Variants in MYL5 observed in about 807,000 individuals in gnomAD.
MYL5 encodes myosin light chain 5.
MYL5 carries 28 observed loss-of-function variants against 20.8 expected under a neutral mutation model. The observed-to-expected ratio is 1.35, with a 90% CI of 1.00 to 1.84. The LOEUF is 1.84. Among genes scored for constraint, MYL5 ranks in the 40% most tolerant of loss-of-function variants. The pLI, the probability that MYL5 is intolerant of heterozygous loss-of-function variation, is 0.00. For missense variants in MYL5, 274 were observed against 227.3 expected (o/e 1.21, Z -1.32); for synonymous variants, 118 against 87.4 (o/e 1.35, Z -1.95).
At position 678,778 on chromosome 4, in the gene MYL5, T is replaced by A; in HGVS notation, c.111+13T>A. ...GGAGTTCAAGGAGGTGAGACTTTCC[T>A]GCTTCACTGGGAGCCCCCACCCCCA... On this transcript the variant is annotated intron_variant, in intron 2 of 6. Coordinates refer to ENST00000400159, the Ensembl canonical transcript of MYL5. The A allele has an allele frequency of 6.2e-6, 10 of 1,608,320 alleles. No homozygotes were observed. Among genetic ancestry groups the A allele is most frequent in the Non-Finnish European group, 8.5e-6 (10 of 1,177,484 alleles).
At chr4:679,830 G>T in intron 3 of MYL5, 84 bp from the exon 6 acceptor site, 2 of 1,149,838 alleles carry the variant, frequency 1.7e-6, no homozygotes, top group Non-Finnish European at 2.6e-6. Context: ...CCATCTGCCT[G>T]CCTGGCCCTG....
intron 5 of MYL5, chr4:680,842 A>G (rs891738494): frequency 1.7e-5 from 11 of 631,728 alleles, no homozygotes; most frequent in Non-Finnish European, 2.5e-5. Flanking sequence ...AGCTCCTGCT[A>G]GGCGCCGGGG....
chr4:678,384 G>A, intron 1 of MYL5: 1 of 1,414,660 alleles, frequency 7.1e-7, no homozygotes, highest in Non-Finnish European at 9.2e-7. Context: ...GGCTCCTGCT[G>A]GACGGCGATC....
exon 7 of MYL5, chr4:681,901 G>C (rs555192485): frequency 7.6e-7 from 1 of 1,316,930 alleles, no homozygotes; most frequent in Non-Finnish European, 9.8e-7. Flanking sequence ...AGGTGGACCA[G>C]ATGTTCCAGT....
chr4:681,930 C>T lies in MYL5; in HGVS notation c.458C>T (p.Ala153Val), dbSNP rs552967269. The T allele has an allele frequency of 1.8e-4, 237 of 1,325,934 alleles. No homozygotes were observed. Among genetic ancestry groups the T allele is most frequent in the Middle Eastern group, 6.1e-4 (3 of 4,926 alleles). 82.1% of individuals were successfully genotyped at this position (1,325,934 alleles called of 1,614,324 possible). A position where few individuals can be genotyped will look rare whatever the true frequency, so the allele number is the denominator to read the frequency against. ...TTCCAGTTCGCCTCCATCGATGTGG[C>T]GGGCAACCTGGACTACAAGGCGCTC... Residue 153 changes from alanine to valine, a missense_variant, in exon 7 of 7, where the codon GCG becomes GTG. Transcript: ENST00000400159.
At chr4:676,688 C>G (rs1401574385), upstream of MYL5, among the ~76,000 whole-genome samples, 1 of 152,184 alleles carries the variant, frequency 6.6e-6, no homozygotes, top group African/African-American at 2.4e-5. Context: ...TGCTTCCCCC[C>G]TCGGTGTGGT....
intron 2 of MYL5, 24 bp downstream of exon 4, chr4:678,789 G>A (rs1466493275): frequency 1.2e-6 from 2 of 1,607,656 alleles, no homozygotes; most frequent in Non-Finnish European, 1.7e-6. Flanking sequence ...GCTTCACTGG[G>A]AGCCCCCACC....
At chr4:676,961 G>A (rs761492892), upstream of MYL5, 10 of 983,046 alleles carry the variant, frequency 1.0e-5, no homozygotes, top group African/African-American at 1.7e-5. Context: ...CTGTGACCAT[G>A]TGTCCCTCAG....
In MYL5 at chr4:681,146, G is replaced by A; in HGVS notation, c.420+6G>A. On this transcript the variant is annotated splice_donor_region_variant and intron_variant, in intron 6 of 6. Transcript: ENST00000400159. ...ACAAGATGACGGCGGAAGAGGTCTGGCCCGCGGCTTCCCTGCCAAGCCCAC... is the reference window on the plus strand; with the variant it reads ...ACAAGATGACGGCGGAAGAGGTCTGACCCGCGGCTTCCCTGCCAAGCCCAC... 1.9e-6 allele frequency: 3 copies of A among 1,603,272 alleles called. No homozygotes were observed. Among genetic ancestry groups the A allele is most frequent in the Non-Finnish European group, 2.6e-6 (3 of 1,175,980 alleles).
At chr4:675,521 G>A (rs1738770981), upstream of MYL5, 2 of 152,374 alleles carry the variant, frequency 1.3e-5, no homozygotes, top group African/African-American at 4.8e-5. Flanking sequence ...TGGCGGCCTG[G>A]GCTACCTGTC....
exon 7 of MYL5, chr4:682,007 T>C: frequency 7.0e-7 from 1 of 1,419,974 alleles, no homozygotes. Flanking sequence ...CCCAGCCGGG[T>C]CAATAAACCT....
intron 1 of MYL5, 108 bp from the exon 4 acceptor site, chr4:678,537 CCCTCCAGCCCGAA>C: frequency 6.8e-7 from 1 of 1,465,692 alleles, no homozygotes; most frequent in Non-Finnish European, 9.0e-7. Flanking sequence ...CTGTCTGGCC[CCCTCCAGCCCGAA>C]GGGCTGAGGT....
upstream of MYL5, among the ~76,000 whole-genome samples, chr4:677,274 CTG>C (rs1358145766): frequency 6.6e-6 from 1 of 152,212 alleles, no homozygotes; most frequent in Non-Finnish European, 1.5e-5. Flanking sequence ...GATGCTGACT[CTG>C]TGGTGGCCTC....
chr4:676,231 A>G (rs1738822879), upstream of MYL5: 1 of 152,254 alleles, frequency 6.6e-6, no homozygotes, highest in Admixed American at 6.5e-5. Flanking sequence ...TTTTCCCTTC[A>G]CTGGAGTTTA....
At chr4:681,524 C>T (rs1739537149) in intron 6 of MYL5, among the ~76,000 whole-genome samples, 1 of 150,270 alleles carries the variant, frequency 6.7e-6, no homozygotes, top group African/African-American at 2.5e-5. Context: ...TCCCCCAGAC[C>T]CCACACGGTC....
upstream of MYL5, chr4:676,079 A>G (rs1339945918): frequency 6.6e-6 from 1 of 152,190 alleles, no homozygotes; most frequent in East Asian, 1.9e-4. Context: ...TCAGGGGGCC[A>G]GAAGCAAACT....
chr4:680,790 TG>T (rs1739391740), intron 5 of MYL5: 3 of 650,742 alleles, frequency 4.6e-6, no homozygotes, highest in Non-Finnish European at 5.2e-6. Flanking sequence ...CTGTGCCCGG[TG>T]GGGGTGGGGC....
Position 679,905 on chromosome 4 carries a change from C to G in MYL5, c.188-9C>G. On this transcript the variant is annotated splice_polypyrimidine_tract_variant and intron_variant, in intron 3 of 6. Transcript: ENST00000400159. ...GCCCTGCCCTGTGATGCCCCCATGT[C>G]TGTAACAGGCAAGACCAACGTCAAG... The G allele has an allele frequency of 6.2e-7, 1 of 1,613,238 alleles. No homozygotes were observed. The highest frequency in any genetic ancestry group is 1.1e-5 in the South Asian group (1 of 91,064).
At chr4:677,848 G>A (rs773501363), upstream of MYL5, 3 of 1,027,400 alleles carry the variant, frequency 2.9e-6, no homozygotes, top group Non-Finnish European at 4.5e-6. Context: ...AAGGGTGTGA[G>A]TCACTGCCAG....
Sources: allele counts gnomAD v4.1 joint callset (sites outside exome capture counted in the v4.1 genomes callset), GRCh38; gene constraint gnomAD v4.1.1; transcripts MANE v1.5; gene names NCBI Gene and HGNC (gene_info 2026-07-23, HGNC 2026-07-21).